Variants in TSPAN3 observed in about 807,000 individuals in gnomAD.
The protein encoded by TSPAN3 is tetraspanin 3.
In TSPAN3, 9 loss-of-function variants were observed where a neutral mutation model predicts 31.1. That is an observed-to-expected ratio of 0.29 (90% CI 0.17 to 0.50). The LOEUF (loss-of-function observed/expected upper bound fraction) is 0.50. TSPAN3 is among the 20% of genes least tolerant of loss of function. The pLI, the probability that TSPAN3 is intolerant of heterozygous loss-of-function variation, is 0.98. For missense variants in TSPAN3, 252 were observed against 313.5 expected, an observed-to-expected ratio of 0.80 and a Z score of 1.48; for synonymous variants, 129 against 114.3, an observed-to-expected ratio of 1.13 and a Z score of -0.82.
intron 6 of TSPAN3, among the ~76,000 whole-genome samples, chr15:77,049,595 A>C (rs2076716319): frequency 6.6e-6 from 1 of 152,194 alleles, no homozygotes; most frequent in Non-Finnish European, 1.5e-5. Flanking sequence ...GCTAATTAAT[A>C]AGGGGTACAT....
At chr15:77,052,491 C>T (rs781412202) in intron 5 of TSPAN3, 23 bp from the exon 6 acceptor site, 15 of 1,604,218 alleles carry the variant, frequency 9.4e-6, no homozygotes, top group East Asian at 2.2e-5. Flanking sequence ...CAGTCATCCT[C>T]GTTAGAAGTG....
Position 77,052,843 on chromosome 15 carries a change from G to A in TSPAN3, c.519C>T (p.Ser173=), listed in dbSNP as rs115680877. 254 of 1,614,160 alleles carry A rather than the reference G, an allele frequency of 1.6e-4. 1 individual carries two copies. In the African/African-American group the frequency reaches 3.1e-3, roughly 20 times the overall value. The stretch of plus-strand genomic sequence containing the variant: ...AATTGCTGGCAGTCTCTCTGCAGCA[G>A]CTAAGAGGGACACTCTGGTTTTTGG... ...KETKNQSVPL[S]CCRETASNCN... Residue 173 remains serine (S), a synonymous_variant, in exon 5 of 7, where the codon AGC becomes AGT. Transcript: ENST00000267970.
In TSPAN3 at chr15:77,070,991, G is replaced by A. The variant is rs544825908; in HGVS notation, c.-37C>T. 14 of 1,371,708 alleles carry A rather than the reference G, an allele frequency of 1.0e-5. No homozygotes were observed. Among genetic ancestry groups the A allele is most frequent in the Middle Eastern group, 2.1e-4 (1 of 4,688 alleles). 85.0% of individuals were successfully genotyped at this position (1,371,708 alleles called of 1,614,324 possible). A position where few individuals can be genotyped will look rare whatever the true frequency, so the allele number is the denominator to read the frequency against. ...CCCGCGAAGGCCCGGCCCGGAGAGC[G>A]GGGCTGCGCTCACCGAGAGAGCGGC... On this transcript the variant is annotated 5_prime_UTR_variant, in exon 1 of 7. Transcript: ENST00000267970.
intron 1 of TSPAN3, among the ~76,000 whole-genome samples, chr15:77,062,828 T>C (rs1469563205): frequency 6.6e-6 from 1 of 152,210 alleles, no homozygotes; most frequent in East Asian, 1.9e-4. Context: ...TGTGTCTGCA[T>C]TCAGCCCTGA....
intron 1 of TSPAN3, among the ~76,000 whole-genome samples, chr15:77,065,419 A>G (rs1046600028): frequency 2.0e-5 from 3 of 152,090 alleles, no homozygotes; most frequent in Non-Finnish European, 2.9e-5. Flanking sequence ...CATAAGCGTG[A>G]TAAGTTTTAT....
intron 1 of TSPAN3, chr15:77,063,847 G>A (rs1239758659): frequency 2.6e-5 from 4 of 152,118 alleles, no homozygotes; most frequent in Non-Finnish European, 5.9e-5. Context: ...AGACAGTAGG[G>A]CTCCAGAGGT....
intron 6 of TSPAN3, among the ~76,000 whole-genome samples, chr15:77,047,574 G>T (rs1297938191): frequency 3.3e-5 from 5 of 152,106 alleles, no homozygotes; most frequent in African/African-American, 1.2e-4. Context: ...CGGTTCTGTG[G>T]TATTACATAC....
intron 3 of TSPAN3, chr15:77,054,762 T>C (rs1389662559): frequency 6.6e-6 from 1 of 152,432 alleles, no homozygotes; most frequent in Non-Finnish European, 1.5e-5. Flanking sequence ...GCAAAAGTAA[T>C]CGGCAGGTTT....
In TSPAN3 at chr15:77,043,138, A is replaced by C. The variant is rs1376420775; in HGVS notation, c.*3697T>G. The C allele has an allele frequency of 6.6e-6, 1 of 151,188 alleles. No homozygotes were observed. Among genetic ancestry groups the C allele is most frequent in the Non-Finnish European group, 1.5e-5 (1 of 67,978 alleles). The allele number at this position is 151,188 out of a possible 1,614,324, so 9.4% of individuals were successfully genotyped here. ...TGCTCCTGTGGCTTGGCGGGGGGGC[A>C]CCTCCAGTAAGTTGATTCTCCAGCA... is the stretch of plus-strand genomic sequence containing the variant. On this transcript the variant is annotated 3_prime_UTR_variant, in exon 7 of 7. Transcript: ENST00000267970.
At chr15:77,051,736 T>C (rs2076732348) in intron 6 of TSPAN3, among the ~76,000 whole-genome samples, 1 of 151,700 alleles carries the variant, frequency 6.6e-6, no homozygotes, top group Non-Finnish European at 1.5e-5. Flanking sequence ...CCCGTGCTTG[T>C]AGTCCCAGCT....
chr15:77,064,543 T>C (rs1309041544), intron 1 of TSPAN3: 1 of 152,178 alleles, frequency 6.6e-6, no homozygotes, highest in Non-Finnish European at 1.5e-5. Context: ...TTCCCTAAAC[T>C]GCAACTAGAG....
At chr15:77,061,681 T>G (rs1197584205) in intron 1 of TSPAN3, among the ~76,000 whole-genome samples, 2 of 152,190 alleles carry the variant, frequency 1.3e-5, no homozygotes, top group Non-Finnish European at 2.9e-5. Flanking sequence ...GCCAAAAGTA[T>G]ACCTACATGG....
chr15:77,067,122 CCATCTCTCAATACGGCCA>C (rs1424853173), intron 1 of TSPAN3, among the ~76,000 whole-genome samples: 2 of 152,134 alleles, frequency 1.3e-5, no homozygotes, highest in Middle Eastern at 3.4e-3. Context: ...CTTAAAGGCC[CCATCTCTCAATACGGCCA>C]CATTGGGGAT....
intron 1 of TSPAN3, among the ~76,000 whole-genome samples, chr15:77,059,727 A>G (rs2076789554): frequency 6.6e-6 from 1 of 152,228 alleles, no homozygotes; most frequent in Non-Finnish European, 1.5e-5. Flanking sequence ...AAACTTCACT[A>G]GCTTTAGCCT....
chr15:77,054,151 A>T, intron 4 of TSPAN3, 27 bp downstream of exon 4: 1 of 1,572,690 alleles, frequency 6.4e-7, no homozygotes, highest in East Asian at 2.2e-5. Flanking sequence ...TGGTCCTCAA[A>T]AACAAATCTG....
rs2076731016 is a variant in TSPAN3, at chr15:77,051,542, A to AG, written c.669+842dup. ...AAACTCTGTCGTAAAAAAAAAAAAA[A>AG]GAAAAGAAAAGAAAAGAAAGCATAA... On this transcript the variant is annotated intron_variant, in intron 6 of 6. Transcript: ENST00000267970. Among the ~76,000 whole-genome samples the AG allele has an allele frequency of 2.0e-5, 3 of 151,128 alleles. No homozygotes were observed. In the South Asian group the frequency reaches 6.3e-4, roughly 32 times the overall value.
intron 6 of TSPAN3, among the ~76,000 whole-genome samples, chr15:77,049,283 A>C (rs2076713604): frequency 6.6e-6 from 1 of 152,190 alleles, no homozygotes. Context: ...CCGGCTTCAC[A>C]TGCGGCACAG....
intron 3 of TSPAN3, chr15:77,054,823 T>C (rs960685085): frequency 2.6e-5 from 4 of 152,342 alleles, no homozygotes; most frequent in African/African-American, 9.6e-5. Context: ...TACTGTTCAA[T>C]GTATTGCAAA....
intron 6 of TSPAN3, among the ~76,000 whole-genome samples, 161 bp downstream of exon 6, chr15:77,052,224 G>A (rs1341114752): frequency 6.6e-6 from 1 of 152,148 alleles, no homozygotes; most frequent in Non-Finnish European, 1.5e-5. Context: ...TAGGTGTATA[G>A]ACAAGAAATG....
Sources: gnomAD v4.1 joint callset for allele counts (sites outside exome capture counted in the v4.1 genomes callset) on GRCh38, gnomAD v4.1.1 for gene constraint, MANE v1.5 for transcripts, NCBI Gene and HGNC (gene_info 2026-07-23, HGNC 2026-07-21) for gene names.